The following GARNL3 variants were observed in gnomAD, a reference collection of about 807,000 sequenced individuals.
The protein encoded by GARNL3 is GTPase-activating Rap/Ran-GAP domain-like protein 3.
A neutral mutation model predicts 125.0 loss-of-function variants in GARNL3; 63 were observed. The ratio of observed to expected loss-of-function variants is 0.50; its 90% CI spans 0.41 to 0.62. GARNL3 has a LOEUF of 0.62. Ranked by LOEUF, GARNL3 falls within the 20% of genes least tolerant of loss-of-function variation. GARNL3 has a pLI of 0.00. For missense variants in GARNL3, 994 were observed against 1,244.0 expected (o/e 0.80, Z 3.02); for synonymous variants, 439 against 457.5 (o/e 0.96, Z 0.52).
At chr9:127,227,856 G>A (rs1334655006) in intron 1 of GARNL3, among the ~76,000 whole-genome samples, 2 of 152,018 alleles carry the variant, frequency 1.3e-5, no homozygotes, top group Admixed American at 1.3e-4. Context: ...GGAGTTTGAG[G>A]TTATAGTGAG....
chr9:127,244,631 A>C (rs543508812), intron 2 of GARNL3, among the ~76,000 whole-genome samples: 1 of 152,368 alleles, frequency 6.6e-6, no homozygotes, highest in African/African-American at 2.4e-5. Context: ...GTGAATAAAA[A>C]ATAATTATGA....
chr9:127,258,993 T>C (rs2063539480), upstream of GARNL3, among the ~76,000 whole-genome samples: 1 of 152,234 alleles, frequency 6.6e-6, no homozygotes, highest in Admixed American at 6.5e-5. Flanking sequence ...CCCTTGTCGC[T>C]GTTGCCCTTA....
At chr9:127,363,194 A>T (rs548774285) in intron 21 of GARNL3, 2 of 152,350 alleles carry the variant, frequency 1.3e-5, no homozygotes, top group Admixed American at 1.3e-4. Flanking sequence ...ACAGGGCATG[A>T]TAGGAGCCAT....
intron 1 of GARNL3, among the ~76,000 whole-genome samples, chr9:127,285,171 G>A (rs1025573063): frequency 6.6e-6 from 1 of 152,100 alleles, no homozygotes; most frequent in African/African-American, 2.4e-5. Flanking sequence ...AGACATGGTG[G>A]CTCATGCCTC....
intron 2 of GARNL3, among the ~76,000 whole-genome samples, chr9:127,294,615 A>G (rs372673475): frequency 6.6e-6 from 1 of 152,200 alleles, no homozygotes; most frequent in East Asian, 1.9e-4. Flanking sequence ...AGTGCTTTTA[A>G]GGAGATGATT....
chr9:127,232,738 G>A (rs907803053), intron 1 of GARNL3, among the ~76,000 whole-genome samples: 1 of 152,188 alleles, frequency 6.6e-6, no homozygotes, highest in African/African-American at 2.4e-5. Flanking sequence ...CAAAATGCTG[G>A]GGTAGACCAA....
chr9:127,284,315 G>A (rs1010714341), intron 1 of GARNL3, among the ~76,000 whole-genome samples: 8 of 152,152 alleles, frequency 5.3e-5, no homozygotes, highest in African/African-American at 1.7e-4. Flanking sequence ...CATATAGAAT[G>A]AATGAATATA....
At chr9:127,289,023 G>T (rs2064333334) in intron 1 of GARNL3, among the ~76,000 whole-genome samples, 1 of 152,154 alleles carries the variant, frequency 6.6e-6, no homozygotes, top group Non-Finnish European at 1.5e-5. Context: ...CAAAGCCCTT[G>T]AGGCAGCCTA....
At chr9:127,262,095 C>A (rs2063605696), upstream of GARNL3, among the ~76,000 whole-genome samples, 2 of 152,136 alleles carry the variant, frequency 1.3e-5, 1 homozygote, top group African/African-American at 4.8e-5. Flanking sequence ...ATCTTTCCAG[C>A]CTCTGAGATC....
chr9:127,243,145 A>G lies in GARNL3; in HGVS notation c.39A>G (p.Ile13Met), dbSNP rs1382400658. 3 of 1,366,022 alleles carry G rather than the reference A, an allele frequency of 2.2e-6. No individual in the cohort carries two copies. In the Admixed American group the frequency reaches 5.7e-5, roughly 26 times the overall value. 84.6% of individuals were successfully genotyped at this position (1,366,022 alleles called of 1,614,324 possible). Residue 13 changes from isoleucine (I) to methionine (M), a missense_variant, in exon 2 of 11, where the codon ATA becomes ATG. Ile to Met is a conservative substitution (Grantham distance 10). Transcript: ENST00000439286. ...CGAAGGTGCCTTGTGGGAGTCAGAT[A>G]GCACAAACCATTCTATGGAAAGCAA...
chr9:127,370,615 A>G (rs1831554927), intron 22 of GARNL3, among the ~76,000 whole-genome samples: 1 of 152,206 alleles, frequency 6.6e-6, no homozygotes, highest in Non-Finnish European at 1.5e-5. Flanking sequence ...GATCTATCCA[A>G]GGAGACTTTT....
intron 1 of GARNL3, among the ~76,000 whole-genome samples, chr9:127,267,812 A>C (rs2063735932): frequency 6.6e-6 from 1 of 152,222 alleles, no homozygotes; most frequent in South Asian, 2.1e-4. Context: ...TTGGGAACCC[A>C]ATAAGTGTTG....
intron 21 of GARNL3, among the ~76,000 whole-genome samples, chr9:127,360,421 C>T (rs1053303210): frequency 4.6e-5 from 7 of 152,158 alleles, no homozygotes; most frequent in African/African-American, 1.7e-4. Context: ...GGCGGCTGCA[C>T]AGCTCCCAGC....
At chr9:127,255,928 C>G (rs528123078) in intron 2 of GARNL3, among the ~76,000 whole-genome samples, 1 of 152,148 alleles carries the variant, frequency 6.6e-6, no homozygotes. Context: ...GGCATCCCTT[C>G]AAGGTCTGGG....
chr9:127,325,157 C>T, intron 7 of GARNL3, 62 bp downstream of exon 7: 2 of 1,508,690 alleles, frequency 1.3e-6, no homozygotes, highest in Non-Finnish European at 1.8e-6. Context: ...ATATATTTCT[C>T]CTTTCACTGT....
At chr9:127,372,153 T>C (rs1287768107) in intron 22 of GARNL3, among the ~76,000 whole-genome samples, 1 of 152,206 alleles carries the variant, frequency 6.6e-6, no homozygotes. Context: ...TCATTTTTCT[T>C]CAAAGCATTC....
intron 1 of GARNL3, among the ~76,000 whole-genome samples, chr9:127,228,821 G>A (rs1564833749): frequency 6.6e-6 from 1 of 151,714 alleles, no homozygotes; most frequent in Non-Finnish European, 1.5e-5. Flanking sequence ...ATACTTTTTT[G>A]TTGTTTGTTT....
intron 1 of GARNL3, among the ~76,000 whole-genome samples, chr9:127,284,500 A>T (rs1187480151): frequency 6.6e-6 from 1 of 151,866 alleles, no homozygotes; most frequent in Non-Finnish European, 1.5e-5. Flanking sequence ...TTCTGCTCTG[A>T]TCTTTTATTG....
Position 127,336,108 on chromosome 9 carries a change from G to C in GARNL3, c.874-20G>C, listed in dbSNP as rs769893935. ...ATGTTTGAGAGTCTTTCTCAGTGATGTTATTTATGCTCACTACAGGTGGAA... is the reference window on the plus strand; with the variant it reads ...ATGTTTGAGAGTCTTTCTCAGTGATCTTATTTATGCTCACTACAGGTGGAA... On this transcript the variant is annotated intron_variant, in intron 10 of 27. Coordinates refer to ENST00000373387, the MANE Select transcript of GARNL3 (RefSeq NM_032293.5). 2.1e-5 allele frequency: 32 copies of C among 1,555,574 alleles called. No homozygotes were observed. The highest frequency in any genetic ancestry group is 2.7e-5 in the Non-Finnish European group (31 of 1,129,658).
Sources: allele counts gnomAD v4.1 joint callset (sites outside exome capture counted in the v4.1 genomes callset), GRCh38; gene constraint gnomAD v4.1.1; transcripts MANE v1.5; gene names NCBI Gene and HGNC (gene_info 2026-07-23, HGNC 2026-07-21).